Variants in TMEM38B observed in about 807,000 individuals in gnomAD.
TMEM38B encodes the protein trimeric intracellular cation channel type B.
In TMEM38B, 24 loss-of-function variants were observed where a neutral mutation model predicts 28.7. The ratio of observed to expected loss-of-function variants is 0.84; its 90% CI spans 0.61 to 1.18. The LOEUF (loss-of-function observed/expected upper bound fraction) is 1.18. Among genes scored for constraint, TMEM38B ranks in the 50% most tolerant of loss-of-function variants. TMEM38B has a pLI of 0.00. For synonymous variants in TMEM38B, 131 were observed against 127.7 expected (o/e 1.03, Z -0.17); for missense variants, 380 against 350.9 (o/e 1.08, Z -0.66).
intron 2 of TMEM38B, among the ~76,000 whole-genome samples, chr9:105,709,759 A>T (rs1198943851): frequency 6.6e-6 from 1 of 152,266 alleles, no homozygotes; most frequent in African/African-American, 2.4e-5. Flanking sequence ...ATAAACGCAG[A>T]TGCCAACAAA....
Position 105,760,132 on chromosome 9 carries a change from C to T in TMEM38B, c.660+11942C>T, listed in dbSNP as rs572230691. The T allele has an allele frequency of 1.7e-3, 1,518 of 878,550 alleles. 12 individuals carry two copies. In the Middle Eastern group the frequency reaches 0.038, roughly 22 times the overall value. The allele number at this position is 878,550 out of a possible 1,614,324, so 54.4% of individuals were successfully genotyped here. A position where few individuals can be genotyped will look rare whatever the true frequency, so the allele number is the denominator to read the frequency against. ...TGCCATCGATGCGCTACAATTGTGT[C>T]GTTTGTTACTTCCGCCACCAAATTG... On this transcript the variant is annotated intron_variant, in intron 5 of 5. Coordinates refer to ENST00000374692, the MANE Select transcript of TMEM38B (RefSeq NM_018112.3).
intron 2 of TMEM38B, among the ~76,000 whole-genome samples, chr9:105,715,445 C>A (rs1015523969): frequency 6.6e-6 from 1 of 151,694 alleles, no homozygotes; most frequent in Non-Finnish European, 1.5e-5. Flanking sequence ...CTTTTTGGTA[C>A]CTACACTTTT....
chr9:105,755,493 T>G (rs1837803212), intron 5 of TMEM38B, among the ~76,000 whole-genome samples: 1 of 152,136 alleles, frequency 6.6e-6, no homozygotes, highest in South Asian at 2.1e-4. Context: ...AAAAAAGAAG[T>G]GTGACTCCTC....
At chr9:105,763,206 G>A (rs2133642875) in intron 5 of TMEM38B, among the ~76,000 whole-genome samples, 1 of 151,956 alleles carries the variant, frequency 6.6e-6, no homozygotes, top group East Asian at 1.9e-4. Flanking sequence ...CATTTTGTAG[G>A]TTGCCTGTTC....
intron 5 of TMEM38B, among the ~76,000 whole-genome samples, chr9:105,752,971 C>T (rs1332249284): frequency 1.3e-5 from 2 of 152,136 alleles, no homozygotes; most frequent in Non-Finnish European, 2.9e-5. Context: ...TAGAGAGGAA[C>T]ATAATTGACC....
intron 1 of TMEM38B, among the ~76,000 whole-genome samples, chr9:105,704,455 G>A (rs906960243): frequency 2.0e-5 from 3 of 152,068 alleles, no homozygotes; most frequent in African/African-American, 4.8e-5. Context: ...TAGAGACATT[G>A]TTCATATCTA....
At chr9:105,722,676 A>G in intron 4 of TMEM38B, 55 bp downstream of exon 4, 1 of 1,453,482 alleles carries the variant, frequency 6.9e-7, no homozygotes, top group Non-Finnish European at 9.6e-7. Flanking sequence ...GATCTTACCA[A>G]ATTCCTTTTT....
chr9:105,752,134 C>T (rs1209075762), intron 5 of TMEM38B, among the ~76,000 whole-genome samples: 1 of 152,134 alleles, frequency 6.6e-6, no homozygotes, highest in Admixed American at 6.5e-5. Context: ...GAGGACCTCC[C>T]TACGGGGACT....
chr9:105,694,571 G>C lies in TMEM38B; in HGVS notation c.-90G>C. On this transcript the variant is annotated 5_prime_UTR_variant, in exon 1 of 6. Transcript: ENST00000374692. ...TGGAGCCGGCGCGGAGGAGCGGGCG[G>C]CCGCGGCTGTGCCCTCTCCTACTCC... 2 of 947,782 alleles carry C rather than the reference G, an allele frequency of 2.1e-6. No individual in the cohort carries two copies. Among genetic ancestry groups the C allele is most frequent in the Non-Finnish European group, 3.1e-6 (2 of 641,156 alleles). The allele number at this position is 947,782 out of a possible 1,614,324, so 58.7% of individuals were successfully genotyped here. A position where few individuals can be genotyped will look rare whatever the true frequency, so the allele number is the denominator to read the frequency against.
Position 105,759,726 on chromosome 9 carries a change from T to A in TMEM38B, c.660+11536T>A. 4 of 1,601,860 alleles carry A rather than the reference T, an allele frequency of 2.5e-6. No individual in the cohort carries two copies. The South Asian group carries it at 4.5e-5, about 18-fold the overall frequency. On this transcript the variant is annotated intron_variant, in intron 5 of 5. Transcript: ENST00000374692. Reference sequence around the variant, plus strand: ...AACAGGAATTCCTGTTGAATCTTCATTCAGAGGAAAATATTCAAAAGCCAT... The same window carrying A: ...AACAGGAATTCCTGTTGAATCTTCAATCAGAGGAAAATATTCAAAAGCCAT...
intron 2 of TMEM38B, among the ~76,000 whole-genome samples, chr9:105,708,995 T>C (rs1799914500): frequency 1.3e-5 from 2 of 151,048 alleles, no homozygotes; most frequent in Admixed American, 1.3e-4. Context: ...GTTGGCTATT[T>C]TTTTTTTTTT....
chr9:105,744,951 T>G (rs1588446458), intron 4 of TMEM38B, among the ~76,000 whole-genome samples: 2 of 152,200 alleles, frequency 1.3e-5, no homozygotes, highest in Admixed American at 6.5e-5. Context: ...TATTCCATGG[T>G]GTATATGTGC....
At chr9:105,750,657 A>G (rs996123955) in intron 5 of TMEM38B, among the ~76,000 whole-genome samples, 8 of 152,052 alleles carry the variant, frequency 5.3e-5, no homozygotes, top group African/African-American at 1.4e-4. Flanking sequence ...TATGAGTCCA[A>G]TTTACCTATT....
chr9:105,718,507 G>A (rs1836196949), intron 2 of TMEM38B, among the ~76,000 whole-genome samples: 1 of 152,074 alleles, frequency 6.6e-6, no homozygotes, highest in South Asian at 2.1e-4. Flanking sequence ...CAAAGTGCTG[G>A]GATTACAGGC....
intron 1 of TMEM38B, among the ~76,000 whole-genome samples, chr9:105,696,775 G>T (rs753228638): frequency 2.2e-4 from 33 of 152,322 alleles, no homozygotes; most frequent in Non-Finnish European, 4.9e-4. Flanking sequence ...AGTTGCTTAA[G>T]AGCAGGATTT....
intron 5 of TMEM38B, among the ~76,000 whole-genome samples, chr9:105,767,959 A>G (rs1826428783): frequency 6.6e-6 from 1 of 152,074 alleles, no homozygotes; most frequent in Non-Finnish European, 1.5e-5. Flanking sequence ...AATGTCCTGT[A>G]CAATGTTGAA....
intron 4 of TMEM38B, among the ~76,000 whole-genome samples, chr9:105,732,948 A>G (rs1460737400): frequency 6.6e-6 from 1 of 152,124 alleles, no homozygotes. Flanking sequence ...TGAGCATGGA[A>G]TGTTCAAAGA....
At chr9:105,730,569 G>T (rs1194812450) in intron 4 of TMEM38B, among the ~76,000 whole-genome samples, 1 of 152,172 alleles carries the variant, frequency 6.6e-6, no homozygotes, top group Non-Finnish European at 1.5e-5. Context: ...TCAGGATGAT[G>T]CTGGCCTCAT....
At chr9:105,702,814 A>C (rs1387242016) in intron 1 of TMEM38B, 1 of 152,020 alleles carries the variant, frequency 6.6e-6, no homozygotes, top group Non-Finnish European at 1.5e-5. Flanking sequence ...TGAGTAGCTG[A>C]GACTACAGGT....
Sources: gnomAD v4.1 joint callset for allele counts (sites outside exome capture counted in the v4.1 genomes callset) on GRCh38, gnomAD v4.1.1 for gene constraint, MANE v1.5 for transcripts, NCBI Gene and HGNC (gene_info 2026-07-23, HGNC 2026-07-21) for gene names.